KIF5C: variants seen among roughly 807,000 people sequenced by gnomAD.
KIF5C encodes the protein kinesin heavy chain isoform 5C.
Under a neutral mutation model 125.2 loss-of-function variants are expected in KIF5C, and 18 were observed. The observed-to-expected ratio is 0.14, with a 90% CI of 0.10 to 0.21. The LOEUF is 0.21. KIF5C is among the 10% of genes least tolerant of loss of function. The pLI, the probability that KIF5C is intolerant of heterozygous loss-of-function variation, is 1.00. For missense variants in KIF5C, 780 were observed against 1,183.8 expected (o/e 0.66, Z 5.01); for synonymous variants, 405 against 434.0 (o/e 0.93, Z 0.83).
At chr2:148,875,832 G>T in intron 1 of KIF5C, 89 bp downstream of exon 1, 2 of 1,496,944 alleles carry the variant, frequency 1.3e-6, no homozygotes, top group Non-Finnish European at 8.9e-7. Context: ...TGTTTAGGCC[G>T]CCCCCTCGGA....
At chr2:149,006,858 G>A (rs1392056387) in intron 22 of KIF5C, among the ~76,000 whole-genome samples, 1 of 152,132 alleles carries the variant, frequency 6.6e-6, no homozygotes, top group Non-Finnish European at 1.5e-5. Context: ...GTTATGACAT[G>A]GACTGAAAAG....
chr2:148,994,810 T>C (rs1681622279), intron 17 of KIF5C, among the ~76,000 whole-genome samples: 1 of 151,998 alleles, frequency 6.6e-6, no homozygotes, highest in Admixed American at 6.6e-5. Context: ...CCAGCGATTC[T>C]CCTGCCTCAG....
intron 23 of KIF5C, 55 bp from the exon 24 acceptor site, chr2:149,010,080 T>C: frequency 6.7e-7 from 1 of 1,496,816 alleles, no homozygotes; most frequent in Non-Finnish European, 8.9e-7. Flanking sequence ...CTGCTCTGGT[T>C]TGTGCAATGC....
intron 3 of KIF5C, chr2:148,935,020 T>C: frequency 5.3e-6 from 2 of 377,606 alleles, no homozygotes; most frequent in East Asian, 9.8e-5. Flanking sequence ...GCATCTGAGC[T>C]GGATCAAGCA....
intron 11 of KIF5C, among the ~76,000 whole-genome samples, chr2:148,964,557 C>T (rs1451568127): frequency 2.0e-5 from 3 of 152,142 alleles, no homozygotes; most frequent in Non-Finnish European, 2.9e-5. Context: ...TGGTAGTCCA[C>T]GCTGCATACC....
intron 15 of KIF5C, among the ~76,000 whole-genome samples, chr2:148,988,318 A>G (rs1209858352): frequency 6.6e-6 from 1 of 152,212 alleles, no homozygotes; most frequent in East Asian, 1.9e-4. Context: ...ATCTCCTTTT[A>G]GATCTCCAAG....
chr2:148,889,003 G>A (rs181132539), intron 1 of KIF5C, among the ~76,000 whole-genome samples: 18 of 152,298 alleles, frequency 1.2e-4, no homozygotes, highest in African/African-American at 4.1e-4. Flanking sequence ...TACTCTAGGT[G>A]ATGGGCTAAT....
intron 10 of KIF5C, among the ~76,000 whole-genome samples, chr2:148,956,190 A>T (rs1574785380): frequency 6.6e-6 from 1 of 152,194 alleles, no homozygotes; most frequent in South Asian, 2.1e-4. Flanking sequence ...GTGGGTGCTT[A>T]ACCTCGGTGG....
intron 2 of KIF5C, among the ~76,000 whole-genome samples, chr2:148,926,440 G>A (rs1681998213): frequency 6.6e-6 from 1 of 152,204 alleles, no homozygotes; most frequent in African/African-American, 2.4e-5. Flanking sequence ...CATTGTTTCT[G>A]CAGAGACTCT....
intron 10 of KIF5C, among the ~76,000 whole-genome samples, chr2:148,952,194 G>C (rs1682681823): frequency 6.6e-6 from 1 of 152,100 alleles, no homozygotes; most frequent in Admixed American, 6.5e-5. Context: ...TTAAACTTGA[G>C]CTTTAACAAT....
rs778459634 is a variant in KIF5C at position 148,994,504 on chromosome 2, G to A, written c.1989G>A (p.Ser663=). The A allele has an allele frequency of 2.4e-5, 38 of 1,569,826 alleles. No homozygotes were observed. The highest frequency in any genetic ancestry group is 1.7e-4 in the Middle Eastern group (1 of 6,032). ...GGCAGCTAGAAGAGTCCCAGGACTC[G>A]CTCAGCGAAGAGCTGGCAAAGCTCC... The part of the protein sequence containing the change: ...KRRQLEESQD[S]LSEELAKLRA... The change falls in exon 17 of 26, where the codon TCG becomes TCA. Residue 663 remains serine, a synonymous_variant. Transcript: ENST00000435030.
chr2:148,953,662 G>A (rs13396197), intron 10 of KIF5C, among the ~76,000 whole-genome samples: 7 of 152,114 alleles, frequency 4.6e-5, no homozygotes, highest in Admixed American at 2.0e-4. Context: ...AGGTTCCTCC[G>A]TTATTCCTTT....
rs372592465 is a variant in KIF5C at position 148,997,252 on chromosome 2, A to C, written c.2024-12A>C. The C allele has an allele frequency of 6.2e-7, 1 of 1,608,566 alleles. No individual in the cohort carries two copies. The highest frequency in any genetic ancestry group is 1.3e-5 in the African/African-American group (1 of 74,838). On this transcript the variant is annotated splice_polypyrimidine_tract_variant and intron_variant, in intron 17 of 25. Transcript: ENST00000435030. ...AGTTAAGTCTTAAATCATCATTTAAAATTCAAAACAGAAAAAATGCACGAA... is the reference window on the plus strand; with the variant it reads ...AGTTAAGTCTTAAATCATCATTTAACATTCAAAACAGAAAAAATGCACGAA...
At position 149,011,601 on chromosome 2, in the gene KIF5C, C is replaced by G; in HGVS notation, c.2799C>G (p.Ala933=). The G allele has an allele frequency of 6.2e-7, 1 of 1,614,078 alleles. No individual in the cohort carries two copies. Residue 933 remains alanine (A), a synonymous_variant, in exon 25 of 26, where the codon GCC becomes GCG. Coordinates refer to ENST00000435030, the MANE Select transcript of KIF5C (RefSeq NM_004522.3). ...CCATCCGCCCCGGACACTACCCGGC[C>G]TCATCTCCAACGGCCGTCCATGCCA... is the stretch of plus-strand genomic sequence containing the variant. The part of the protein sequence containing the change: ...AKPIRPGHYP[A]SSPTAVHAIR...
intron 19 of KIF5C, 57 bp from the exon 20 acceptor site, chr2:149,000,366 G>A: frequency 6.5e-7 from 1 of 1,532,910 alleles, no homozygotes; most frequent in Non-Finnish European, 8.8e-7. Flanking sequence ...GTTTTAGCCT[G>A]ATGACTCAGA....
chr2:148,941,486 A>G, intron 4 of KIF5C, 124 bp from the exon 5 acceptor site: 2 of 1,332,502 alleles, frequency 1.5e-6, no homozygotes, highest in African/African-American at 1.5e-5. Flanking sequence ...TTAAGTCTTC[A>G]CTTTGAACCC....
At chr2:148,975,413 G>A (rs1681033285) in intron 12 of KIF5C, among the ~76,000 whole-genome samples, 1 of 152,180 alleles carries the variant, frequency 6.6e-6, no homozygotes, top group African/African-American at 2.4e-5. Flanking sequence ...AGAACAGGAG[G>A]TATTTAGGTT....
intron 14 of KIF5C, among the ~76,000 whole-genome samples, chr2:148,982,397 G>A (rs1410460195): frequency 2.0e-5 from 3 of 152,340 alleles, no homozygotes; most frequent in Admixed American, 2.0e-4. Flanking sequence ...GCTATCCTTA[G>A]CACCTCTGCC....
intron 1 of KIF5C, among the ~76,000 whole-genome samples, chr2:148,913,789 T>C (rs1681438453): frequency 6.6e-6 from 1 of 152,208 alleles, no homozygotes; most frequent in Non-Finnish European, 1.5e-5. Context: ...ATCCTTGTTA[T>C]CTTCCATTTG....
Sources: gnomAD v4.1 joint callset for allele counts (sites outside exome capture counted in the v4.1 genomes callset) on GRCh38, gnomAD v4.1.1 for gene constraint, MANE v1.5 for transcripts, NCBI Gene and HGNC (gene_info 2026-07-23, HGNC 2026-07-21) for gene names.